The following SH3D19 variants were observed in gnomAD, a reference collection of about 807,000 sequenced individuals.
SH3D19 encodes SH3 domain containing 19.
Under a neutral mutation model 112.1 loss-of-function variants are expected in SH3D19, and 58 were observed. That is an observed-to-expected ratio of 0.52 (90% CI 0.42 to 0.64). The LOEUF (loss-of-function observed/expected upper bound fraction) is 0.64. Ranked by LOEUF, SH3D19 falls within the 30% of genes least tolerant of loss-of-function variation. SH3D19 has a pLI of 0.00. For synonymous variants in SH3D19, 391 were observed against 448.5 expected (o/e 0.87, Z 1.62); for missense variants, 1,090 against 1,263.4 (o/e 0.86, Z 2.08).
chr4:151,302,092 T>C lies in SH3D19; in HGVS notation c.112+23149A>G, dbSNP rs551389283. On this transcript the variant is annotated intron_variant, in intron 1 of 19. Transcript: ENST00000604030. ...CAGCCACTCAAGGTACCATGTAACT[T>C]GCAGGACCCCCACACCATTAATGTC... Among the ~76,000 whole-genome samples, 24 of 152,320 alleles carry C rather than the reference T, an allele frequency of 1.6e-4. No homozygotes were observed. The East Asian group carries it at 4.0e-3, about 26-fold the overall frequency.
intron 1 of SH3D19, among the ~76,000 whole-genome samples, chr4:151,258,004 TC>T (rs1772070974): frequency 6.6e-6 from 1 of 152,162 alleles, no homozygotes; most frequent in East Asian, 1.9e-4. Flanking sequence ...CTGTCAATAG[TC>T]CCATGTCACA....
chr4:151,214,402 T>C (rs1345097720), intron 2 of SH3D19, among the ~76,000 whole-genome samples: 1 of 58,982 alleles, frequency 1.7e-5, no homozygotes, highest in Non-Finnish European at 6.5e-5. Context: ...CCAGACGGGG[T>C]GGTGGCCGGG....
At chr4:151,277,396 G>GA (rs1374220094) in intron 1 of SH3D19, among the ~76,000 whole-genome samples, 1 of 152,074 alleles carries the variant, frequency 6.6e-6, no homozygotes, top group East Asian at 1.9e-4. Context: ...CTCCCGATTG[G>GA]AAATAGCAGT....
At chr4:151,222,240 T>C (rs572168148) in intron 2 of SH3D19, among the ~76,000 whole-genome samples, 133 of 152,278 alleles carry the variant, frequency 8.7e-4, no homozygotes, top group Middle Eastern at 6.8e-3. Flanking sequence ...ACACAACAGT[T>C]CTCTCCACTG....
chr4:151,252,902 G>C (rs1016916103), intron 1 of SH3D19, among the ~76,000 whole-genome samples: 1 of 152,138 alleles, frequency 6.6e-6, no homozygotes, highest in African/African-American at 2.4e-5. Context: ...AGCAAGTCCT[G>C]TGTGTTCTAC....
intron 19 of SH3D19, among the ~76,000 whole-genome samples, chr4:151,124,093 T>C (rs1748625030): frequency 7.0e-6 from 1 of 143,838 alleles, no homozygotes; most frequent in African/African-American, 2.5e-5. Flanking sequence ...ACCATGTCAG[T>C]TTCCTGAGGG....
At chr4:151,132,435 G>C (rs1750926983) in intron 16 of SH3D19, 52 bp from the exon 17 acceptor site, 1 of 1,513,798 alleles carries the variant, frequency 6.6e-7, no homozygotes, top group Non-Finnish European at 9.1e-7. Flanking sequence ...AGATGTGAAG[G>C]CCACATAGTA....
intron 1 of SH3D19, chr4:151,291,449 G>A: frequency 1.2e-6 from 2 of 1,600,522 alleles, no homozygotes; most frequent in Non-Finnish European, 1.7e-6. Flanking sequence ...CCCAGGGGCA[G>A]ATAACTCACA....
chr4:151,283,250 T>C (rs767037930), intron 1 of SH3D19: 1 of 1,613,782 alleles, frequency 6.2e-7, no homozygotes, highest in Non-Finnish European at 8.5e-7. Context: ...ACAAGATTTG[T>C]GCTGGTGATA....
At chr4:151,202,442 T>C (rs568286180) in intron 2 of SH3D19, among the ~76,000 whole-genome samples, 219 of 152,352 alleles carry the variant, frequency 1.4e-3, no homozygotes, top group Non-Finnish European at 2.6e-3. Flanking sequence ...AACTCCTAGC[T>C]AGTCCAGTGC....
At position 151,256,805 on chromosome 4, in the gene SH3D19, A is replaced by G. The variant is rs915882389; in HGVS notation, c.113-30719T>C. Reference sequence around the variant, plus strand: ...CCCAGGCTGGAGTGTAGTGGTGCTGATCTCAGCTCACTGCAACCTCTACCT... The same window carrying G: ...CCCAGGCTGGAGTGTAGTGGTGCTGGTCTCAGCTCACTGCAACCTCTACCT... On this transcript the variant is annotated intron_variant, in intron 1 of 19. Transcript: ENST00000604030. 1.5e-4 allele frequency among the ~76,000 whole-genome samples: 22 copies of G among 150,036 alleles called. 1 individual carries two copies. Among genetic ancestry groups the G allele is most frequent in the Non-Finnish European group, 8.8e-5 (6 of 67,816 alleles).
intron 13 of SH3D19, among the ~76,000 whole-genome samples, chr4:151,138,684 TCTCACACA>T (rs775291396): frequency 0.14 from 19,547 of 135,724 alleles, 1,608 homozygotes; most frequent in East Asian, 0.3. Flanking sequence ...CAAGATCTTG[TCTCACACA>T]CACACACACA....
intron 2 of SH3D19, among the ~76,000 whole-genome samples, chr4:151,205,162 G>A (rs1013320015): frequency 6.6e-6 from 1 of 152,108 alleles, no homozygotes; most frequent in African/African-American, 2.4e-5. Context: ...AAGAGAAGAG[G>A]GAAGAGGTGA....
At chr4:151,237,481 A>G (rs752613628) in intron 1 of SH3D19, among the ~76,000 whole-genome samples, 1 of 152,200 alleles carries the variant, frequency 6.6e-6, no homozygotes, top group Non-Finnish European at 1.5e-5. Flanking sequence ...ATATTTCAGT[A>G]TGACAATCTA....
intron 1 of SH3D19, among the ~76,000 whole-genome samples, chr4:151,307,847 G>A (rs1729072586): frequency 6.6e-6 from 1 of 152,222 alleles, no homozygotes; most frequent in South Asian, 2.1e-4. Flanking sequence ...GTACATAAGA[G>A]TTCCAGTTAG....
chr4:151,229,303 AAG>A (rs1769403964), intron 1 of SH3D19, among the ~76,000 whole-genome samples: 2 of 152,210 alleles, frequency 1.3e-5, no homozygotes, highest in African/African-American at 2.4e-5. Context: ...CTATGAAAAA[AAG>A]AGTTATTAAA....
chr4:151,141,402 A>G lies in SH3D19; in HGVS notation c.2224-1555T>C, dbSNP rs1040500718. 2.6e-5 allele frequency among the ~76,000 whole-genome samples: 4 copies of G among 152,218 alleles called. 1 individual carries two copies. Among genetic ancestry groups the G allele is most frequent in the African/African-American group, 9.6e-5 (4 of 41,464 alleles). ...TGGCCTCCCAAAGTGCTGGGATTACAGGAGTGAGCCACCGTGCCCAGCCTG... is the reference window on the plus strand; with the variant it reads ...TGGCCTCCCAAAGTGCTGGGATTACGGGAGTGAGCCACCGTGCCCAGCCTG... On this transcript the variant is annotated intron_variant, in intron 12 of 19. Transcript: ENST00000604030.
chr4:151,263,045 A>G (rs915511531), intron 1 of SH3D19, among the ~76,000 whole-genome samples: 1 of 152,176 alleles, frequency 6.6e-6, no homozygotes, highest in Admixed American at 6.5e-5. Flanking sequence ...CTGAAGACAG[A>G]TTTTGAAGAG....
At chr4:151,251,176 GTTCT>G (rs138111963) in intron 1 of SH3D19, among the ~76,000 whole-genome samples, 51,417 of 147,834 alleles carry the variant, frequency 0.35, 10,265 homozygotes, top group Non-Finnish European at 0.44. Flanking sequence ...CAACCCATTT[GTTCT>G]TTCTTTTTCT....
Sources: allele counts gnomAD v4.1 joint callset (sites outside exome capture counted in the v4.1 genomes callset), GRCh38; gene constraint gnomAD v4.1.1; transcripts MANE v1.5; gene names NCBI Gene and HGNC (gene_info 2026-07-23, HGNC 2026-07-21).